Variants in GALNT10 observed in about 807,000 individuals in gnomAD.
The protein encoded by GALNT10 is GalNAc transferase 10.
In GALNT10, 41 loss-of-function variants were observed where a neutral mutation model predicts 75.0. That is an observed-to-expected ratio of 0.55 (90% CI 0.43 to 0.71). GALNT10 has a LOEUF of 0.71. Among genes scored for constraint, GALNT10 ranks in the 30% least tolerant of loss-of-function variants. The pLI is 0.00. For missense variants in GALNT10, 727 were observed against 818.5 expected (o/e 0.89, Z 1.36); for synonymous variants, 302 against 313.0 (o/e 0.96, Z 0.37).
intron 4 of GALNT10, among the ~76,000 whole-genome samples, chr5:154,362,442 A>G (rs1755405085): frequency 6.6e-6 from 1 of 152,122 alleles, no homozygotes; most frequent in African/African-American, 2.4e-5. Context: ...AAAATTGCTC[A>G]CTGCTAGGGT....
At chr5:154,248,661 C>G (rs1452541996) in intron 1 of GALNT10, among the ~76,000 whole-genome samples, 1 of 152,170 alleles carries the variant, frequency 6.6e-6, no homozygotes, top group African/African-American at 2.4e-5. Context: ...GTGATATCCC[C>G]TTTATCATTT....
At chr5:154,386,796 A>G (rs2034577) in intron 7 of GALNT10, 59,181 of 456,604 alleles carry the variant, frequency 0.13, 4,234 homozygotes, top group Middle Eastern at 0.17. Flanking sequence ...AAGGCCAAAC[A>G]GGATACGTAG....
chr5:154,399,138 A>T (rs1756107341), intron 7 of GALNT10, among the ~76,000 whole-genome samples: 1 of 152,168 alleles, frequency 6.6e-6, no homozygotes, highest in African/African-American at 2.4e-5. Flanking sequence ...CATTGGTGGT[A>T]TGAGGACTGG....
At chr5:154,210,349 C>T (rs1371034179) in intron 1 of GALNT10, among the ~76,000 whole-genome samples, 2 of 151,798 alleles carry the variant, frequency 1.3e-5, no homozygotes, top group Admixed American at 6.5e-5. Context: ...TGCATGCACA[C>T]AGGCACACAT....
chr5:154,380,678 A>G (rs1177392164), intron 6 of GALNT10, 47 bp downstream of exon 6: 8 of 1,306,222 alleles, frequency 6.1e-6, no homozygotes, highest in Non-Finnish European at 8.7e-6. Context: ...CCCAGTGACC[A>G]CTCCCAACAC....
chr5:154,311,129 T>A (rs1754509975), intron 3 of GALNT10, among the ~76,000 whole-genome samples: 1 of 152,220 alleles, frequency 6.6e-6, no homozygotes, highest in Non-Finnish European at 1.5e-5. Flanking sequence ...GATGTGTGGC[T>A]TGTTTTCTTT....
rs554671379 is a variant in GALNT10 at position 154,244,703 on chromosome 5, G to C, written c.160-50113G>C. On this transcript the variant is annotated intron_variant, in intron 1 of 11. Coordinates refer to ENST00000297107, the MANE Select transcript of GALNT10 (RefSeq NM_198321.4). ...CCCAGTAAAGGGGAACAGGTGCTGT[G>C]AGAGAAGCAAAGGCAGCAGCCAGAG... is the stretch of plus-strand genomic sequence containing the variant. 3.3e-5 allele frequency among the ~76,000 whole-genome samples: 5 copies of C among 152,344 alleles called. No homozygotes were observed. The South Asian group carries it at 1.0e-3, about 32-fold the overall frequency.
intron 6 of GALNT10, among the ~76,000 whole-genome samples, chr5:154,381,143 C>A (rs972152062): frequency 6.6e-6 from 1 of 152,196 alleles, no homozygotes; most frequent in African/African-American, 2.4e-5. Context: ...ATTTTCCCAT[C>A]GTACTGCTAT....
intron 4 of GALNT10, among the ~76,000 whole-genome samples, chr5:154,336,484 C>T (rs1433932891): frequency 3.9e-5 from 6 of 152,184 alleles, no homozygotes; most frequent in African/African-American, 1.4e-4. Flanking sequence ...GTTCCACCTC[C>T]TCGTCAGCAT....
At chr5:154,282,338 T>C (rs1016517846) in intron 1 of GALNT10, among the ~76,000 whole-genome samples, 1 of 152,236 alleles carries the variant, frequency 6.6e-6, no homozygotes, top group African/African-American at 2.4e-5. Context: ...ACTTTGGGGA[T>C]CATGCTCAAA....
At chr5:154,244,361 A>G (rs563068833) in intron 1 of GALNT10, among the ~76,000 whole-genome samples, 3 of 152,156 alleles carry the variant, frequency 2.0e-5, no homozygotes, top group Admixed American at 6.5e-5. Context: ...GAGGCTGGGT[A>G]TTTAAGACCA....
At chr5:154,342,661 G>A (rs935649161) in intron 4 of GALNT10, among the ~76,000 whole-genome samples, 3 of 152,160 alleles carry the variant, frequency 2.0e-5, no homozygotes, top group Non-Finnish European at 4.4e-5. Context: ...CAGCAAAAAC[G>A]CATGGCCCTT....
At chr5:154,294,760 G>A (rs1481878216) in intron 1 of GALNT10, 56 bp from the exon 2 acceptor site, 1 of 907,812 alleles carries the variant, frequency 1.1e-6, no homozygotes, top group South Asian at 1.4e-5. Flanking sequence ...TAACTCCTGG[G>A]CCTGTGTTAC....
At chr5:154,309,821 C>T (rs910114845) in intron 3 of GALNT10, among the ~76,000 whole-genome samples, 2 of 152,094 alleles carry the variant, frequency 1.3e-5, no homozygotes, top group Non-Finnish European at 2.9e-5. Context: ...GTCAAGTAGG[C>T]AGTTGAATAA....
At chr5:154,400,756 G>T (rs148200988) in intron 7 of GALNT10, among the ~76,000 whole-genome samples, 150 of 152,284 alleles carry the variant, frequency 9.9e-4, no homozygotes, top group African/African-American at 2.6e-3. Context: ...TGAGTATGAG[G>T]TAGCCAGGCA....
chr5:154,399,310 C>T (rs75179235), intron 7 of GALNT10, among the ~76,000 whole-genome samples: 2 of 152,170 alleles, frequency 1.3e-5, no homozygotes, highest in East Asian at 3.8e-4. Flanking sequence ...GCACCACCCC[C>T]CTAGCCCGTC....
chr5:154,316,937 G>T (rs1394107716), intron 3 of GALNT10, among the ~76,000 whole-genome samples: 1 of 152,180 alleles, frequency 6.6e-6, no homozygotes, highest in Non-Finnish European at 1.5e-5. Context: ...TGAAATCTTT[G>T]CTGTGAGTTG....
At chr5:154,314,051 C>A (rs1027317469) in intron 3 of GALNT10, among the ~76,000 whole-genome samples, 1 of 152,172 alleles carries the variant, frequency 6.6e-6, no homozygotes, top group Non-Finnish European at 1.5e-5. Flanking sequence ...TTTGAACTTA[C>A]ACCATTTGCT....
intron 4 of GALNT10, among the ~76,000 whole-genome samples, chr5:154,368,744 C>T (rs1023043971): frequency 6.6e-6 from 1 of 152,186 alleles, no homozygotes; most frequent in African/African-American, 2.4e-5. Flanking sequence ...TGCCAAAACC[C>T]GTCCTGATAT....
Sources: allele counts gnomAD v4.1 joint callset (sites outside exome capture counted in the v4.1 genomes callset), GRCh38; gene constraint gnomAD v4.1.1; transcripts MANE v1.5; gene names NCBI Gene and HGNC (gene_info 2026-07-23, HGNC 2026-07-21).